Variants in DENND2B observed in about 807,000 individuals in gnomAD.
DENND2B encodes DENN domain containing 2B.
DENND2B carries 32 observed loss-of-function variants against 116.0 expected under a neutral mutation model. The observed-to-expected ratio is 0.28, with a 90% CI of 0.21 to 0.37. The LOEUF (loss-of-function observed/expected upper bound fraction) is 0.37. Among genes scored for constraint, DENND2B ranks in the 10% least tolerant of loss-of-function variants. DENND2B has a pLI of 1.00. For missense variants in DENND2B, 1,276 were observed against 1,477.7 expected, an observed-to-expected ratio of 0.86 and a Z score of 2.24; for synonymous variants, 588 against 583.9, an observed-to-expected ratio of 1.01 and a Z score of -0.10.
chr11:8,721,881 G>A (rs2046253266), intron 4 of DENND2B, among the ~76,000 whole-genome samples: 1 of 152,242 alleles, frequency 6.6e-6, no homozygotes, highest in Non-Finnish European at 1.5e-5. Flanking sequence ...TGAAGTTCCT[G>A]GAAACGCTCC....
Position 8,696,568 on chromosome 11 carries a change from C to T in DENND2B, c.3151G>A (p.Gly1051Arg), listed in dbSNP as rs1241343859. ...YSLFLTQSEK[G>R]ERAFQREAFR... ...GCCTCTCGCTGAAAGGCCCTCTCTC[C>T]CTTCTCACTCTGTGTCAGAAAGAGG... The change falls in exon 18 of 20, where the codon GGA (glycine) becomes AGA (arginine). Residue 1051 changes from glycine (G) to arginine (R), a missense_variant. Physicochemically the swap from Gly to Arg is moderately radical, Grantham distance 125 (BLOSUM62 -2). Around this residue, in one of 2 missense-constraint regions of DENND2B, gnomAD observed 420 missense variants for 631.1 expected, o/e 0.67. Transcript: ENST00000313726. 7 of 1,614,072 alleles carry T rather than the reference C, an allele frequency of 4.3e-6. No individual in the cohort carries two copies. Among genetic ancestry groups the T allele is most frequent in the Non-Finnish European group, 5.9e-6 (7 of 1,180,050 alleles).
rs1003386975 is a variant in DENND2B, at chr11:8,782,608, C to A, written c.-26+27909G>T. Among the ~76,000 whole-genome samples, 3 of 152,030 alleles carry A rather than the reference C, an allele frequency of 2.0e-5. No individual in the cohort carries two copies. In the South Asian group the frequency reaches 6.2e-4, roughly 32 times the overall value. ...CCAAGTTTTAAAAGATATTGTTGGCCGGGCGCAGTGGCTCACGCCTGTAAT... is the reference window on the plus strand; with the variant it reads ...CCAAGTTTTAAAAGATATTGTTGGCAGGGCGCAGTGGCTCACGCCTGTAAT... On this transcript the variant is annotated intron_variant, in intron 1 of 19. Coordinates refer to ENST00000313726, the MANE Select transcript of DENND2B (RefSeq NM_213618.2).
At chr11:8,799,669 C>T (rs1456859573) in intron 1 of DENND2B, among the ~76,000 whole-genome samples, 7 of 148,698 alleles carry the variant, frequency 4.7e-5, no homozygotes, top group African/African-American at 1.7e-4. Flanking sequence ...GCCTCAAACT[C>T]ATGGGCTCAA....
At chr11:8,857,276 C>G (rs1052426822) in intron 3 of DENND2B, 1 of 152,208 alleles carries the variant, frequency 6.6e-6, no homozygotes, top group African/African-American at 2.4e-5. Flanking sequence ...TCTCCAAAAA[C>G]CACCACAAAT....
intron 4 of DENND2B, among the ~76,000 whole-genome samples, chr11:8,721,300 T>C (rs1471141280): frequency 7.0e-6 from 1 of 143,502 alleles, no homozygotes; most frequent in Non-Finnish European, 1.6e-5. Context: ...CCCACTCCTC[T>C]CCACAACCTT....
chr11:8,770,680 T>A (rs1453254668), intron 1 of DENND2B, among the ~76,000 whole-genome samples: 1 of 152,194 alleles, frequency 6.6e-6, no homozygotes, highest in African/African-American at 2.4e-5. Flanking sequence ...CTTTTTTTCT[T>A]TTTTCTAATT....
At chr11:8,701,409 T>C (rs1049328465) in intron 14 of DENND2B, among the ~76,000 whole-genome samples, 2 of 140,924 alleles carry the variant, frequency 1.4e-5, no homozygotes, top group Non-Finnish European at 3.0e-5. Context: ...CTAAGCCCTA[T>C]GCAAATCAAA....
chr11:8,702,202 G>A lies in DENND2B; in HGVS notation c.2720+370C>T, dbSNP rs79651315. ...CTTTCCTCAAACTCAGCATCCCATT[G>A]AGATGGCTTTGCCTCCCCCTCCAGA... On this transcript the variant is annotated intron_variant, in intron 14 of 19. Transcript: ENST00000313726. The surrounding 1 kb of genome is among the most constrained non-coding windows in gnomAD (Gnocchi z 4.6). 9.0e-3 allele frequency among the ~76,000 whole-genome samples: 1,372 copies of A among 152,210 alleles called. 13 individuals are homozygous for A. The highest frequency in any genetic ancestry group is 0.04 in the South Asian group (193 of 4,820).
At chr11:8,897,855 A>C (rs2064121716) in intron 1 of DENND2B, among the ~76,000 whole-genome samples, 1 of 152,276 alleles carries the variant, frequency 6.6e-6, no homozygotes, top group Admixed American at 6.5e-5. Context: ...GCACAATTAC[A>C]GCTCACTATA....
chr11:8,846,918 G>A (rs1315021922), intron 3 of DENND2B, among the ~76,000 whole-genome samples: 2 of 152,202 alleles, frequency 1.3e-5, no homozygotes, highest in East Asian at 3.8e-4. Context: ...GTCCCACAGG[G>A]TGACCCCTCA....
chr11:8,893,859 G>A (rs1435517430), intron 1 of DENND2B, among the ~76,000 whole-genome samples: 1 of 152,052 alleles, frequency 6.6e-6, no homozygotes, highest in African/African-American at 2.4e-5. Flanking sequence ...TCCCCATGAA[G>A]CTACCAACGA....
chr11:8,810,517 C>T lies in DENND2B; in HGVS notation c.-26G>A, dbSNP rs1226947718. 1 of 152,306 alleles carries T rather than the reference C, an allele frequency of 6.6e-6. No homozygotes were observed. The highest frequency in any genetic ancestry group is 2.4e-5 in the African/African-American group (1 of 41,458). The allele number at this position is 152,306 out of a possible 1,614,324, so 9.4% of individuals were successfully genotyped here. ...GATCCCAGCCCGGAGCTGCCCTTAC[C>T]TGAAAGTCCCGCTGCTTTCCTGCCC... On this transcript the variant is annotated splice_region_variant and 5_prime_UTR_variant, in exon 1 of 20. Coordinates refer to ENST00000313726, the MANE Select transcript of DENND2B (RefSeq NM_213618.2).
At chr11:8,867,031 T>C (rs2063604605) in intron 2 of DENND2B, among the ~76,000 whole-genome samples, 1 of 152,208 alleles carries the variant, frequency 6.6e-6, no homozygotes, top group Non-Finnish European at 1.5e-5. Flanking sequence ...AGAAAACTTC[T>C]TTAGTTGACA....
At chr11:8,840,424 G>C (rs1192187568) in intron 3 of DENND2B, among the ~76,000 whole-genome samples, 1 of 152,060 alleles carries the variant, frequency 6.6e-6, no homozygotes, top group African/African-American at 2.4e-5. Flanking sequence ...GAAAATAATA[G>C]GGCTGAACGG....
At chr11:8,699,190 A>G (rs778713519) in intron 15 of DENND2B, 23 bp downstream of exon 15, 1 of 1,535,594 alleles carries the variant, frequency 6.5e-7, no homozygotes, top group East Asian at 2.3e-5. Context: ...CCTTCCCCCC[A>G]GCTGGTTCCC....
At chr11:8,898,989 A>G (rs2064133582) in intron 1 of DENND2B, among the ~76,000 whole-genome samples, 1 of 152,224 alleles carries the variant, frequency 6.6e-6, no homozygotes, top group Non-Finnish European at 1.5e-5. Context: ...GTATGGCAAC[A>G]GTGACAATAT....
chr11:8,724,645 T>C (rs558396661), intron 4 of DENND2B, among the ~76,000 whole-genome samples: 21 of 152,354 alleles, frequency 1.4e-4, no homozygotes, highest in Non-Finnish European at 7.3e-5. Flanking sequence ...CAATACCATG[T>C]CTTCCCACCT....
intron 11 of DENND2B, among the ~76,000 whole-genome samples, chr11:8,710,106 G>T (rs2043333545): frequency 6.6e-6 from 1 of 152,130 alleles, no homozygotes; most frequent in Non-Finnish European, 1.5e-5. Flanking sequence ...CCCTAGACTG[G>T]TATCTGGGGA....
chr11:8,832,925 T>G (rs2062275387), intron 4 of DENND2B, among the ~76,000 whole-genome samples: 1 of 152,222 alleles, frequency 6.6e-6, no homozygotes, highest in Admixed American at 6.5e-5. Flanking sequence ...GCAAGGGTCT[T>G]AGGGAGACCC....
Sources: gnomAD v4.1 joint callset for allele counts (sites outside exome capture counted in the v4.1 genomes callset) on GRCh38, gnomAD v4.1.1 for gene constraint, gnomAD v4.1.1 regional missense constraint, Gnocchi (gnomAD v3.1) non-coding constraint, MANE v1.5 for transcripts, NCBI Gene and HGNC (gene_info 2026-07-23, HGNC 2026-07-21) for gene names.